Variants in PPIG observed in about 807,000 individuals in gnomAD.
The protein encoded by PPIG is peptidylprolyl isomerase G.
In PPIG, 26 loss-of-function variants were observed where a neutral mutation model predicts 87.9. The observed-to-expected ratio is 0.30, with a 90% CI of 0.22 to 0.41. The LOEUF is 0.41. Ranked by LOEUF, PPIG falls within the 10% of genes least tolerant of loss-of-function variation. PPIG has a pLI of 1.00. For missense variants in PPIG, 722 were observed against 879.4 expected (o/e 0.82, Z 2.26); for synonymous variants, 308 against 276.5 (o/e 1.11, Z -1.13).
chr2:169,598,348 T>C (rs2105479936), intron 1 of PPIG, among the ~76,000 whole-genome samples: 1 of 152,202 alleles, frequency 6.6e-6, no homozygotes, highest in African/African-American at 2.4e-5. Flanking sequence ...TGGAGTGCAG[T>C]GGCGCGATCT....
At chr2:169,627,285 G>A (rs536583465) in intron 9 of PPIG, among the ~76,000 whole-genome samples, 49 of 149,738 alleles carry the variant, frequency 3.3e-4, no homozygotes, top group African/African-American at 1.2e-3. Flanking sequence ...TTTTAGTAGA[G>A]ACAGTTTTGC....
intron 9 of PPIG, among the ~76,000 whole-genome samples, chr2:169,619,820 C>T (rs1053586536): frequency 6.6e-6 from 1 of 151,802 alleles, no homozygotes; most frequent in Non-Finnish European, 1.5e-5. Flanking sequence ...ATTTGCATTC[C>T]TTTGATGTTT....
rs1036417274 is a variant in PPIG at position 169,638,395 on chromosome 2, C to T, written c.*872C>T. The T allele has an allele frequency of 6.6e-6, 1 of 151,494 alleles. No individual in the cohort carries two copies. Among genetic ancestry groups the T allele is most frequent in the Non-Finnish European group, 1.5e-5 (1 of 67,862 alleles). 9.4% of individuals were successfully genotyped at this position (151,494 alleles called of 1,614,324 possible). ...CATACCATTTGTGCAGGTCCTTAAG[C>T]TATACAGATTCTAAAAATTGTTAGT... On this transcript the variant is annotated 3_prime_UTR_variant, in exon 14 of 14. Transcript: ENST00000260970.
intron 1 of PPIG, among the ~76,000 whole-genome samples, chr2:169,587,938 C>T (rs560001028): frequency 6.6e-6 from 1 of 152,110 alleles, no homozygotes; most frequent in Non-Finnish European, 1.5e-5. Context: ...GGTGGATCAC[C>T]TGAGGTCGGG....
chr2:169,585,427 A>G (rs1227506749), intron 1 of PPIG, among the ~76,000 whole-genome samples: 1 of 151,696 alleles, frequency 6.6e-6, no homozygotes, highest in African/African-American at 2.4e-5. Context: ...ATGCCCGGCT[A>G]ATTTTTTGTG....
chr2:169,604,236 C>G lies in PPIG; in HGVS notation c.111C>G (p.Cys37Trp). Residue 37 changes from cysteine to tryptophan, a missense_variant, in exon 4 of 14, where the codon TGC becomes TGG. Around this residue, in one of 4 missense-constraint regions of PPIG, gnomAD observed 99 missense variants for 215.8 expected, o/e 0.46. Transcript: ENST00000260970. Reference protein sequence around the residue: ...ELFSDVCPKTCENFRCLCTGE... With the variant: ...ELFSDVCPKTWENFRCLCTGE... Reference sequence around the variant, plus strand: ...TTTCTGATGTGTGCCCCAAAACATGCGAGAACTTTCGTTGTCTTTGTACAG... The same window carrying G: ...TTTCTGATGTGTGCCCCAAAACATGGGAGAACTTTCGTTGTCTTTGTACAG... 1 of 1,610,526 alleles carries G rather than the reference C, an allele frequency of 6.2e-7. No individual in the cohort carries two copies. The highest frequency in any genetic ancestry group is 1.1e-5 in the South Asian group (1 of 90,938).
intron 7 of PPIG, among the ~76,000 whole-genome samples, chr2:169,614,087 G>A (rs1685556177): frequency 6.6e-6 from 1 of 152,100 alleles, no homozygotes; most frequent in African/African-American, 2.4e-5. Flanking sequence ...AAACACTGGT[G>A]GAATTGTTTC....
intron 1 of PPIG, among the ~76,000 whole-genome samples, chr2:169,590,836 T>C (rs994724753): frequency 6.6e-5 from 10 of 151,630 alleles, no homozygotes; most frequent in African/African-American, 2.4e-4. Context: ...AGGCAATATA[T>C]CCACAAAAAA....
At chr2:169,590,840 CA>C (rs1160769297) in intron 1 of PPIG, among the ~76,000 whole-genome samples, 10 of 152,144 alleles carry the variant, frequency 6.6e-5, no homozygotes, top group African/African-American at 2.2e-4. Flanking sequence ...AATATATCCA[CA>C]AAAAAATTTT....
At chr2:169,632,117 A>C (rs3754920) in intron 11 of PPIG, among the ~76,000 whole-genome samples, 184 bp downstream of exon 11, 90,778 of 152,098 alleles carry the variant, frequency 0.6, 27,735 homozygotes, top group African/African-American at 0.73. Context: ...AATTGACTTA[A>C]ATTACAAGTA....
chr2:169,638,678 A>ATTGTTATTT lies in PPIG; in HGVS notation c.*1156_*1157insTGTTATTTT. 6.6e-6 allele frequency: 1 copy of ATTGTTATTT among 152,170 alleles called. No homozygotes were observed. The highest frequency in any genetic ancestry group is 1.9e-4 in the East Asian group (1 of 5,184). 9.4% of individuals were successfully genotyped at this position (152,170 alleles called of 1,614,324 possible). A position where few individuals can be genotyped will look rare whatever the true frequency, so the allele number is the denominator to read the frequency against. On this transcript the variant is annotated 3_prime_UTR_variant, in exon 14 of 14. Coordinates refer to ENST00000260970, the MANE Select transcript of PPIG (RefSeq NM_004792.3). ...TTAATGTTATTTTAACTTGGCATGT[A>ATTGTTATTT]TAACATTGCCATATAGAGTAGAGTA... is the stretch of plus-strand genomic sequence containing the variant.
At chr2:169,615,317 G>A (rs1197246604) in intron 9 of PPIG, among the ~76,000 whole-genome samples, 1 of 152,186 alleles carries the variant, frequency 6.6e-6, no homozygotes, top group Non-Finnish European at 1.5e-5. Context: ...AAAGTGCTGG[G>A]ATTACAGGTG....
At position 169,638,346 on chromosome 2, in the gene PPIG, A is replaced by G. The variant is rs932286030; in HGVS notation, c.*823A>G. ...AATTACCCTTCTCTAAACTTTAAAA[A>G]AAAAAAAGCTTTTCTCATTAAAACA... On this transcript the variant is annotated 3_prime_UTR_variant, in exon 14 of 14. Transcript: ENST00000260970. The G allele has an allele frequency of 5.3e-5, 8 of 151,958 alleles. No individual in the cohort carries two copies. Among genetic ancestry groups the G allele is most frequent in the Admixed American group, 2.0e-4 (3 of 15,252 alleles). The allele number at this position is 151,958 out of a possible 1,614,324, so 9.4% of individuals were successfully genotyped here.
intron 12 of PPIG, 110 bp downstream of exon 12, chr2:169,633,357 G>A: frequency 1.3e-6 from 1 of 794,148 alleles, no homozygotes; most frequent in Non-Finnish European, 2.1e-6. Flanking sequence ...TAAAATTTAG[G>A]GGAGATGCAG....
rs551803717 is a variant in PPIG at position 169,607,390 on chromosome 2, G to A, written c.289+242G>A. Among the ~76,000 whole-genome samples the A allele has an allele frequency of 3.3e-5, 5 of 152,096 alleles. No individual in the cohort carries two copies. In the South Asian group the frequency reaches 1.0e-3, roughly 32 times the overall value. On this transcript the variant is annotated intron_variant, in intron 6 of 13. Coordinates refer to ENST00000260970, the MANE Select transcript of PPIG (RefSeq NM_004792.3). ...TTCAATGATCTGTACTTAATTCTTA[G>A]AATTTTAATGATAGAATAGGAACTT...
intron 12 of PPIG, among the ~76,000 whole-genome samples, chr2:169,634,408 A>T (rs576063662): frequency 2.0e-5 from 3 of 151,970 alleles, no homozygotes; most frequent in Non-Finnish European, 4.4e-5. Flanking sequence ...TTCCCATTCA[A>T]ATCTTCTCAC....
At chr2:169,597,502 C>CTT (rs55683230) in intron 1 of PPIG, among the ~76,000 whole-genome samples, 66 of 132,336 alleles carry the variant, frequency 5.0e-4, no homozygotes, top group African/African-American at 1.3e-3. Context: ...CTTTTCTTTT[C>CTT]TTTTTTTTTT....
Position 169,638,403 on chromosome 2 carries a change from A to T in PPIG, c.*880A>T, listed in dbSNP as rs1040827190. The T allele has an allele frequency of 6.6e-6, 1 of 151,796 alleles. No homozygotes were observed. Among genetic ancestry groups the T allele is most frequent in the Non-Finnish European group, 1.5e-5 (1 of 67,892 alleles). The allele number at this position is 151,796 out of a possible 1,614,324, so 9.4% of individuals were successfully genotyped here. A position where few individuals can be genotyped will look rare whatever the true frequency, so the allele number is the denominator to read the frequency against. On this transcript the variant is annotated 3_prime_UTR_variant, in exon 14 of 14. Transcript: ENST00000260970. ...TTGTGCAGGTCCTTAAGCTATACAGATTCTAAAAATTGTTAGTATTGAGAC... is the reference window on the plus strand; with the variant it reads ...TTGTGCAGGTCCTTAAGCTATACAGTTTCTAAAAATTGTTAGTATTGAGAC...
At chr2:169,607,978 C>G (rs1685379467) in intron 6 of PPIG, among the ~76,000 whole-genome samples, 1 of 152,140 alleles carries the variant, frequency 6.6e-6, no homozygotes, top group African/African-American at 2.4e-5. Flanking sequence ...AGTGATCCTC[C>G]TGCTTCAACC....
Sources: gnomAD v4.1 joint callset for allele counts (sites outside exome capture counted in the v4.1 genomes callset) on GRCh38, gnomAD v4.1.1 for gene constraint, gnomAD v4.1.1 regional missense constraint, MANE v1.5 for transcripts, NCBI Gene and HGNC (gene_info 2026-07-23, HGNC 2026-07-21) for gene names.